The following CCBE1 variants were observed in gnomAD, a reference collection of about 807,000 sequenced individuals.
The protein encoded by CCBE1 is collagen and calcium binding EGF domains 1.
CCBE1 carries 37 observed loss-of-function variants against 50.0 expected under a neutral mutation model. The observed-to-expected ratio is 0.74, with a 90% CI of 0.57 to 0.97. The LOEUF (loss-of-function observed/expected upper bound fraction) is 0.97, where lower values mean the gene tolerates loss of function less well. CCBE1 is among the 50% of genes least tolerant of loss of function. CCBE1 has a pLI of 0.00. For synonymous variants in CCBE1, 234 were observed against 203.7 expected, an observed-to-expected ratio of 1.15 and a Z score of -1.27; for missense variants, 538 against 523.8, an observed-to-expected ratio of 1.03 and a Z score of -0.26.
chr18:59,547,500 GATTAGGGC>G (rs1915752666), intron 2 of CCBE1, among the ~76,000 whole-genome samples: 1 of 152,144 alleles, frequency 6.6e-6, no homozygotes, highest in African/African-American at 2.4e-5. Context: ...TGAAGATTCT[GATTAGGGC>G]ATCATCAGCC....
intron 2 of CCBE1, among the ~76,000 whole-genome samples, chr18:59,649,056 G>C (rs147986131): frequency 6.6e-6 from 1 of 152,188 alleles, no homozygotes; most frequent in Non-Finnish European, 1.5e-5. Context: ...AGGAGAGGAC[G>C]ATTCAGTGGT....
chr18:59,482,615 C>T (rs755365366), intron 2 of CCBE1, among the ~76,000 whole-genome samples: 5 of 152,078 alleles, frequency 3.3e-5, no homozygotes, highest in Non-Finnish European at 7.4e-5. Flanking sequence ...ATAAATATGA[C>T]AACTGTAGGA....
At chr18:59,469,694 G>A in intron 3 of CCBE1, 87 bp from the exon 4 acceptor site, 11 of 1,574,828 alleles carry the variant, frequency 7.0e-6, no homozygotes, top group Non-Finnish European at 9.6e-6. Flanking sequence ...TCTGGGCTGG[G>A]CTCTGCTCAA....
At chr18:59,477,872 C>G (rs903501261) in intron 3 of CCBE1, among the ~76,000 whole-genome samples, 6 of 152,276 alleles carry the variant, frequency 3.9e-5, no homozygotes, top group African/African-American at 1.4e-4. Context: ...GCCAAGTTGA[C>G]AAGGCATAGA....
chr18:59,642,690 C>G (rs1266448227), intron 2 of CCBE1, among the ~76,000 whole-genome samples: 1 of 152,116 alleles, frequency 6.6e-6, no homozygotes, highest in Non-Finnish European at 1.5e-5. Context: ...TGGCTCACGC[C>G]TGTAATCCCA....
intron 3 of CCBE1, among the ~76,000 whole-genome samples, chr18:59,477,609 TTATCA>T (rs1156871001): frequency 6.6e-6 from 1 of 152,116 alleles, no homozygotes; most frequent in Non-Finnish European, 1.5e-5. Flanking sequence ...TTTTATCTTC[TTATCA>T]TATGTCATAA....
intron 2 of CCBE1, among the ~76,000 whole-genome samples, chr18:59,521,074 T>G (rs371951457): frequency 6.8e-4 from 103 of 152,374 alleles, no homozygotes; most frequent in African/African-American, 2.5e-3. Context: ...GAAGTGCAGA[T>G]TTTACAGTCC....
At chr18:59,597,661 C>G (rs2053373535) in intron 2 of CCBE1, among the ~76,000 whole-genome samples, 1 of 152,186 alleles carries the variant, frequency 6.6e-6, no homozygotes, top group African/African-American at 2.4e-5. Flanking sequence ...TGGTATCGGT[C>G]ATGGCTGGAT....
chr18:59,630,659 C>T (rs2053838580), intron 2 of CCBE1, among the ~76,000 whole-genome samples: 1 of 152,200 alleles, frequency 6.6e-6, no homozygotes, highest in Non-Finnish European at 1.5e-5. Flanking sequence ...TAAGTGTGAC[C>T]TCTCCAGCAT....
intron 6 of CCBE1, among the ~76,000 whole-genome samples, chr18:59,450,197 A>G (rs1308004685): frequency 1.3e-5 from 2 of 152,164 alleles, no homozygotes; most frequent in Non-Finnish European, 2.9e-5. Flanking sequence ...TGCCTCAAAG[A>G]GCTGTTGGGA....
At chr18:59,563,004 C>G (rs1378749052) in intron 2 of CCBE1, among the ~76,000 whole-genome samples, 1 of 152,202 alleles carries the variant, frequency 6.6e-6, no homozygotes, top group Non-Finnish European at 1.5e-5. Flanking sequence ...AGAGACAAGA[C>G]TGTTGGCATG....
At chr18:59,544,018 A>G (rs547681817) in intron 2 of CCBE1, among the ~76,000 whole-genome samples, 4 of 152,304 alleles carry the variant, frequency 2.6e-5, no homozygotes, top group East Asian at 3.9e-4. Flanking sequence ...TGGTTTTTGT[A>G]GTCTATGAAA....
At chr18:59,669,173 T>A (rs191946134) in intron 2 of CCBE1, among the ~76,000 whole-genome samples, 27 of 152,238 alleles carry the variant, frequency 1.8e-4, no homozygotes, top group African/African-American at 6.3e-4. Flanking sequence ...ATTGCCTTTT[T>A]AGCTACACTT....
chr18:59,644,720 C>T (rs999722866), intron 2 of CCBE1, among the ~76,000 whole-genome samples: 4 of 146,570 alleles, frequency 2.7e-5, no homozygotes, highest in East Asian at 1.9e-4. Context: ...CCTATTTCTC[C>T]CCCCACACCG....
intron 2 of CCBE1, among the ~76,000 whole-genome samples, chr18:59,549,855 T>C (rs1166357872): frequency 6.6e-6 from 1 of 152,192 alleles, no homozygotes; most frequent in Non-Finnish European, 1.5e-5. Context: ...GTGACATTAG[T>C]GGCCCACTCA....
intron 2 of CCBE1, among the ~76,000 whole-genome samples, chr18:59,600,160 G>A (rs550322287): frequency 7.2e-5 from 11 of 152,272 alleles, no homozygotes; most frequent in Non-Finnish European, 1.3e-4. Context: ...TAGGAACCGG[G>A]CTGTGGGCAA....
At chr18:59,640,879 A>G (rs981086919) in intron 2 of CCBE1, among the ~76,000 whole-genome samples, 3 of 152,206 alleles carry the variant, frequency 2.0e-5, no homozygotes, top group Admixed American at 2.0e-4. Context: ...CAAGAAGCAT[A>G]TGAAAAAATG....
intron 2 of CCBE1, among the ~76,000 whole-genome samples, chr18:59,546,516 C>A (rs899558753): frequency 2.6e-5 from 4 of 152,192 alleles, no homozygotes; most frequent in African/African-American, 9.7e-5. Context: ...GAGGCCCAGT[C>A]CCCTGCAGGA....
At chr18:59,517,362 A>G (rs1914417199) in intron 2 of CCBE1, among the ~76,000 whole-genome samples, 1 of 152,196 alleles carries the variant, frequency 6.6e-6, no homozygotes, top group Non-Finnish European at 1.5e-5. Context: ...TTGGGGTCCA[A>G]GTTCCCTTTA....
Sources: gnomAD v4.1 joint callset for allele counts (sites outside exome capture counted in the v4.1 genomes callset) on GRCh38, gnomAD v4.1.1 for gene constraint, MANE v1.5 for transcripts, NCBI Gene and HGNC (gene_info 2026-07-23, HGNC 2026-07-21) for gene names.